UMAD1: variants seen among roughly 807,000 people sequenced by gnomAD.
The protein encoded by UMAD1 is UBAP1-MVB12-associated (UMA)-domain containing protein 1.
Under a neutral mutation model 6.1 loss-of-function variants are expected in UMAD1, and 8 were observed. That is an observed-to-expected ratio of 1.30 (90% confidence interval 0.76 to 2.35). The LOEUF is 2.35. Ranked by LOEUF, UMAD1 falls within the 30% of genes most tolerant of loss-of-function variation. UMAD1 has a pLI of 0.00. For missense variants in UMAD1, 130 were observed against 78.4 expected, an observed-to-expected ratio of 1.66 and a Z score of -2.49; for synonymous variants, 56 against 31.4, an observed-to-expected ratio of 1.78 and a Z score of -2.61.
intron 2 of UMAD1, among the ~76,000 whole-genome samples, chr7:7,677,604 TA>T (rs1362242653): frequency 6.6e-6 from 1 of 152,084 alleles, no homozygotes; most frequent in East Asian, 1.9e-4. Context: ...TTTTTATGGC[TA>T]AATAGTATTC....
chr7:7,781,530 TTTAA>T (rs1264415398), intron 2 of UMAD1, among the ~76,000 whole-genome samples: 3 of 152,078 alleles, frequency 2.0e-5, no homozygotes, highest in Non-Finnish European at 2.9e-5. Flanking sequence ...TCTCCATTTA[TTTAA>T]TTATTTTTTA....
At chr7:7,667,649 A>C (rs1256162210) in intron 1 of UMAD1, among the ~76,000 whole-genome samples, 17 of 152,240 alleles carry the variant, frequency 1.1e-4, no homozygotes. Flanking sequence ...TTGTGCAGGT[A>C]GTAAATGTCT....
chr7:7,795,411 GA>G (rs1465395564), intron 2 of UMAD1, among the ~76,000 whole-genome samples: 1 of 152,204 alleles, frequency 6.6e-6, no homozygotes, highest in Non-Finnish European at 1.5e-5. Flanking sequence ...TGATTCTTAA[GA>G]GAGAGGGAAG....
chr7:7,682,025 T>A (rs1407352288), intron 2 of UMAD1, among the ~76,000 whole-genome samples: 1 of 152,156 alleles, frequency 6.6e-6, no homozygotes, highest in Non-Finnish European at 1.5e-5. Flanking sequence ...ACTAATATTG[T>A]TGACCAAATA....
intron 3 of UMAD1, among the ~76,000 whole-genome samples, chr7:7,874,624 C>G (rs939255769): frequency 1.3e-5 from 2 of 152,140 alleles, no homozygotes; most frequent in African/African-American, 2.4e-5. Context: ...CGAGACCAGC[C>G]TAGCCAACAT....
intron 2 of UMAD1, among the ~76,000 whole-genome samples, chr7:7,800,876 T>G (rs1359207201): frequency 1.3e-5 from 2 of 152,210 alleles, no homozygotes; most frequent in South Asian, 2.1e-4. Context: ...ATTCCTAAGA[T>G]TGCCCAATTT....
chr7:7,694,542 T>C (rs1169656444), intron 2 of UMAD1, among the ~76,000 whole-genome samples: 1 of 151,780 alleles, frequency 6.6e-6, no homozygotes, highest in African/African-American at 2.4e-5. Context: ...CCCACCACTG[T>C]CCTTCCCAGA....
At chr7:7,815,135 G>T (rs916136034) in intron 3 of UMAD1, among the ~76,000 whole-genome samples, 2 of 152,156 alleles carry the variant, frequency 1.3e-5, no homozygotes, top group Non-Finnish European at 1.5e-5. Flanking sequence ...GGGAGTGATG[G>T]TTCCTCACAG....
rs28915070 is a variant in UMAD1 at position 7,668,874 on chromosome 7, C to T, written c.-63-4435C>T. Among the ~76,000 whole-genome samples, 374 of 152,298 alleles carry T rather than the reference C, an allele frequency of 2.5e-3. 1 individual carries two copies. Among genetic ancestry groups the T allele is most frequent in the African/African-American group, 8.5e-3 (352 of 41,546 alleles). On this transcript the variant is annotated intron_variant, in intron 1 of 3. Coordinates refer to ENST00000682710, the MANE Select transcript of UMAD1 (RefSeq NM_001302348.2). ...CCCTCAAGGCCTCAGGAGGAACCAG[C>T]TCTGGACAGGAAACCACTCTATTGC...
intron 2 of UMAD1, among the ~76,000 whole-genome samples, chr7:7,743,131 AT>A (rs1781506613): frequency 6.6e-6 from 1 of 152,180 alleles, no homozygotes; most frequent in African/African-American, 2.4e-5. Context: ...TGTATCTAAA[AT>A]TGGTTTAGAA....
chr7:7,642,743 A>G (rs1785003176), intron 1 of UMAD1, among the ~76,000 whole-genome samples: 1 of 152,190 alleles, frequency 6.6e-6, no homozygotes, highest in Non-Finnish European at 1.5e-5. Context: ...GAAGAAATGG[A>G]ACTTTACCAG....
chr7:7,765,914 A>G (rs578216715), intron 2 of UMAD1, among the ~76,000 whole-genome samples: 1 of 152,140 alleles, frequency 6.6e-6, no homozygotes, highest in Non-Finnish European at 1.5e-5. Context: ...TTTTTTGAAT[A>G]CTTATTAATT....
At chr7:7,789,852 C>G (rs765869150) in intron 2 of UMAD1, among the ~76,000 whole-genome samples, 5 of 152,144 alleles carry the variant, frequency 3.3e-5, no homozygotes, top group African/African-American at 9.7e-5. Context: ...ATTCATCTGT[C>G]AGTGAAGACT....
At chr7:7,768,566 A>G (rs1480853164) in intron 2 of UMAD1, among the ~76,000 whole-genome samples, 1 of 152,016 alleles carries the variant, frequency 6.6e-6, no homozygotes, top group African/African-American at 2.4e-5. Flanking sequence ...AGGAGGCCTG[A>G]AAACTCCTCC....
chr7:7,646,775 G>A (rs528352795), intron 1 of UMAD1, among the ~76,000 whole-genome samples: 1 of 152,016 alleles, frequency 6.6e-6, no homozygotes, highest in South Asian at 2.1e-4. Flanking sequence ...AACTCCCCTC[G>A]ACACTCAGAT....
intron 2 of UMAD1, among the ~76,000 whole-genome samples, chr7:7,791,535 A>C (rs1047531305): frequency 6.6e-6 from 1 of 152,230 alleles, no homozygotes; most frequent in African/African-American, 2.4e-5. Flanking sequence ...TTCAGTTTCT[A>C]GTCTTCCAGC....
At chr7:7,665,710 A>G (rs1218303214) in intron 1 of UMAD1, among the ~76,000 whole-genome samples, 2 of 151,954 alleles carry the variant, frequency 1.3e-5, no homozygotes, top group African/African-American at 4.8e-5. Context: ...TCCCCTCCCC[A>G]GGCAACCTCT....
intron 1 of UMAD1, among the ~76,000 whole-genome samples, chr7:7,657,017 G>A (rs1474449248): frequency 6.6e-5 from 10 of 152,198 alleles, no homozygotes; most frequent in South Asian, 2.1e-4. Flanking sequence ...TCTAACTGGC[G>A]TGAGAATGTA....
At chr7:7,875,850 G>T (rs964612125) in intron 3 of UMAD1, among the ~76,000 whole-genome samples, 5 of 152,164 alleles carry the variant, frequency 3.3e-5, no homozygotes, top group African/African-American at 1.2e-4. Context: ...TGGGAGGCAG[G>T]CAGATCGCTT....
Sources: allele counts gnomAD v4.1 joint callset (sites outside exome capture counted in the v4.1 genomes callset), GRCh38; gene constraint gnomAD v4.1.1; transcripts MANE v1.5; gene names NCBI Gene and HGNC (gene_info 2026-07-23, HGNC 2026-07-21).